DTD2: variants seen among roughly 807,000 people sequenced by gnomAD.
DTD2 encodes D-aminoacyl-tRNA deacylase 2.
DTD2 carries 12 observed loss-of-function variants against 15.5 expected under a neutral mutation model. The ratio of observed to expected loss-of-function variants is 0.77; its 90% CI spans 0.50 to 1.25. The LOEUF is 1.25. Among genes scored for constraint, DTD2 ranks in the 50% most tolerant of loss-of-function variants. The pLI is 0.00. For missense variants in DTD2, 170 were observed against 201.1 expected, an observed-to-expected ratio of 0.85 and a Z score of 0.93; for synonymous variants, 59 against 77.3, an observed-to-expected ratio of 0.76 and a Z score of 1.24.
rs116760112 is a variant in DTD2, at chr14:31,457,253, G to A, written c.111+30C>T. The A allele has an allele frequency of 1.7e-3, 2,547 of 1,540,798 alleles. 31 individuals carry two copies. The African/African-American group carries it at 0.032, about 19-fold the overall frequency. ...GGAAAAAACCGCCCCGCACGCCGGAGGATAACGAGAGCTGCCGGGCTGACG... is the reference window on the plus strand; with the variant it reads ...GGAAAAAACCGCCCCGCACGCCGGAAGATAACGAGAGCTGCCGGGCTGACG... On this transcript the variant is annotated intron_variant, in intron 1 of 2. Transcript: ENST00000310850.
intron 2 of DTD2, among the ~76,000 whole-genome samples, chr14:31,451,399 A>C (rs962702127): frequency 2.6e-5 from 4 of 151,708 alleles, no homozygotes; most frequent in Non-Finnish European, 5.9e-5. Context: ...CTGCCCACCT[A>C]GGCCTCTCAA....
chr14:31,454,737 A>C (rs1009292763), intron 1 of DTD2, among the ~76,000 whole-genome samples: 3 of 152,244 alleles, frequency 2.0e-5, no homozygotes. Flanking sequence ...CTGTGACTTC[A>C]AGTCAAAAAT....
chr14:31,448,527 A>C (rs2031991076), intron 2 of DTD2, 73 bp from the exon 3 acceptor site: 1 of 1,346,250 alleles, frequency 7.4e-7, no homozygotes, highest in Admixed American at 2.4e-5. Flanking sequence ...GTTTTTAGTC[A>C]GCAAATCTCA....
At chr14:31,451,383 C>T (rs190267324) in intron 2 of DTD2, among the ~76,000 whole-genome samples, 3 of 152,052 alleles carry the variant, frequency 2.0e-5, no homozygotes, top group East Asian at 1.9e-4. Flanking sequence ...CTCCTGACCT[C>T]GTGATCTGCC....
Position 31,448,450 on chromosome 14 carries a change from A to G in DTD2, c.186T>C (p.Asn62=). ...ADKELLPKMV[N]TLLNVKLSET... is the part of the protein sequence containing the mutation. The stretch of plus-strand genomic sequence containing the variant: ...CACTTAATTTCACATTTAACAGTGT[A>G]TTAACTGGGTGAGGAAGAAAGGCAA... The change falls in exon 3 of 3, where the codon AAT becomes AAC. Residue 62 remains asparagine (N), a synonymous_variant. Transcript: ENST00000310850. 1 of 1,594,608 alleles carries G rather than the reference A, an allele frequency of 6.3e-7. No homozygotes were observed. The highest frequency in any genetic ancestry group is 8.5e-7 in the Non-Finnish European group (1 of 1,170,044).
rs766892797 is a variant in DTD2, at chr14:31,453,321, G to A, written c.135C>T (p.Tyr45=). ...TATCAGCTCCCTTGAAAAAGCACAC[G>A]TAGATCACCAGTCCTCTTTGGACCT... ...WVEVQRGLVI[Y]VCFFKGADKE... is the part of the protein sequence containing the mutation. The change falls in exon 2 of 3, where the codon TAC becomes TAT. Residue 45 remains tyrosine, a synonymous_variant. Transcript: ENST00000310850. 1.4e-5 allele frequency: 22 copies of A among 1,613,898 alleles called. No individual in the cohort carries two copies. Among genetic ancestry groups the A allele is most frequent in the African/African-American group, 4.0e-5 (3 of 74,892 alleles).
In DTD2 at chr14:31,448,224, C is replaced by T; in HGVS notation, c.412G>A (p.Glu138Lys). Residue 138 changes from glutamate to lysine, a missense_variant, in exon 3 of 3, where the codon GAA (glutamate) becomes AAA (lysine). Transcript: ENST00000310850. The stretch of plus-strand genomic sequence containing the variant: ...CCATGTTCCACTACAACCCTAGCTT[C>T]AGCACACTTGCTATTAGCAGCTACT... ...KEVAANSKCA[E>K]ARVVVEHGTY... 6.2e-7 allele frequency: 1 copy of T among 1,614,204 alleles called. No individual in the cohort carries two copies. Among genetic ancestry groups the T allele is most frequent in the South Asian group, 1.1e-5 (1 of 91,086 alleles).
Position 31,453,315 on chromosome 14 carries a change from G to C in DTD2, c.141C>G (p.Cys47Trp). The change falls in exon 2 of 3, where the codon TGC becomes TGG. Residue 47 changes from cysteine (C) to tryptophan (W), a missense_variant. Transcript: ENST00000310850. The part of the protein sequence containing the change: ...EVQRGLVIYV[C>W]FFKGADKELL... ...GTTCTTTATCAGCTCCCTTGAAAAA[G>C]CACACGTAGATCACCAGTCCTCTTT... is the stretch of plus-strand genomic sequence containing the variant. The C allele has an allele frequency of 1.2e-6, 2 of 1,614,000 alleles. No homozygotes were observed. Among genetic ancestry groups the C allele is most frequent in the Non-Finnish European group, 1.7e-6 (2 of 1,180,002 alleles).
Position 31,457,282 on chromosome 14 carries a change from C to T in DTD2, c.111+1G>A. ...AACGAGAGCTGCCGGGCTGACGTTA[C>T]CTCCACCCACTGGGCCGCGACGTCC... On this transcript the variant is annotated splice_donor_variant, in intron 1 of 2. Transcript: ENST00000310850. LOFTEE classifies it high-confidence loss of function. 2 of 1,574,082 alleles carry T rather than the reference C, an allele frequency of 1.3e-6. No individual in the cohort carries two copies. The highest frequency in any genetic ancestry group is 8.6e-7 in the Non-Finnish European group (1 of 1,160,682).
rs1299022581 is a variant in DTD2 at position 31,457,430 on chromosome 14, C to A, written c.-37G>T. 1 of 1,401,148 alleles carries A rather than the reference C, an allele frequency of 7.1e-7. No individual in the cohort carries two copies. Among genetic ancestry groups the A allele is most frequent in the African/African-American group, 1.5e-5 (1 of 67,206 alleles). The allele number at this position is 1,401,148 out of a possible 1,614,324, so 86.8% of individuals were successfully genotyped here. ...GCGCCGCGGCCGGACAGTTACTAGG[C>A]CATGTGTCGCTGGCCCCTCCCTCGA... On this transcript the variant is annotated 5_prime_UTR_variant, in exon 1 of 3. Coordinates refer to ENST00000310850, the MANE Select transcript of DTD2 (RefSeq NM_080664.3).
intron 2 of DTD2, among the ~76,000 whole-genome samples, chr14:31,449,483 C>T (rs2032004299): frequency 6.6e-6 from 1 of 152,128 alleles, no homozygotes; most frequent in Non-Finnish European, 1.5e-5. Flanking sequence ...TCTTCATACA[C>T]ATATACGAAA....
intron 2 of DTD2, among the ~76,000 whole-genome samples, chr14:31,450,097 G>A (rs911392462): frequency 6.6e-6 from 1 of 152,168 alleles, no homozygotes; most frequent in Non-Finnish European, 1.5e-5. Context: ...TCACTATCTA[G>A]CTATCTAGGC....
chr14:31,450,870 A>G (rs1460851545), intron 2 of DTD2, among the ~76,000 whole-genome samples: 1 of 152,236 alleles, frequency 6.6e-6, no homozygotes, highest in Non-Finnish European at 1.5e-5. Context: ...TTTAATCACT[A>G]TAAAATAACA....
intron 2 of DTD2, among the ~76,000 whole-genome samples, chr14:31,451,349 C>T (rs1383940897): frequency 2.0e-5 from 3 of 151,988 alleles, no homozygotes; most frequent in Non-Finnish European, 4.4e-5. Flanking sequence ...GGGGTTTCAC[C>T]ATGTTAGCCA....
At chr14:31,453,850 T>G (rs1566797268) in intron 1 of DTD2, among the ~76,000 whole-genome samples, 1 of 152,232 alleles carries the variant, frequency 6.6e-6, no homozygotes, top group Non-Finnish European at 1.5e-5. Flanking sequence ...TCCAGGAAAC[T>G]GTCCAATTAT....
At position 31,452,942 on chromosome 14, in the gene DTD2, T is replaced by A. The variant is rs2032054557; in HGVS notation, c.181+333A>T. 4 of 159,302 alleles carry A rather than the reference T, an allele frequency of 2.5e-5. No homozygotes were observed. The Admixed American group carries it at 2.6e-4, about 10-fold the overall frequency. The allele number at this position is 159,302 out of a possible 1,614,324, so 9.9% of individuals were successfully genotyped here. A position where few individuals can be genotyped will look rare whatever the true frequency, so the allele number is the denominator to read the frequency against. On this transcript the variant is annotated intron_variant, in intron 2 of 2. Coordinates refer to ENST00000310850, the MANE Select transcript of DTD2 (RefSeq NM_080664.3). ...ATTACTATTCTTTCTCACTCTCTTT[T>A]TTTTTTTTTTTTTGAGACAGGGTCT... is the stretch of plus-strand genomic sequence containing the variant.
intron 1 of DTD2, among the ~76,000 whole-genome samples, chr14:31,455,789 C>T (rs577683232): frequency 5.5e-4 from 84 of 151,696 alleles, no homozygotes; most frequent in African/African-American, 2.0e-3. Context: ...AACATGTTGG[C>T]CAGGCTGGTC....
At chr14:31,451,752 GTA>G (rs905471258) in intron 2 of DTD2, among the ~76,000 whole-genome samples, 1 of 152,120 alleles carries the variant, frequency 6.6e-6, no homozygotes, top group African/African-American at 2.4e-5. Context: ...CTGCCCATTT[GTA>G]TAATTAATAT....
rs2139358974 is a variant in DTD2, at chr14:31,448,054, T to G, written c.*75A>C. The G allele has an allele frequency of 7.7e-7, 1 of 1,298,620 alleles. No homozygotes were observed. The highest frequency in any genetic ancestry group is 1.1e-6 in the Non-Finnish European group (1 of 935,724). 80.4% of individuals were successfully genotyped at this position (1,298,620 alleles called of 1,614,324 possible). ...TGCTGAAGATTAGTATATTCAAGAT[T>G]AAGGGGAAGAAAATCTAATTATACT... On this transcript the variant is annotated 3_prime_UTR_variant, in exon 3 of 3. Transcript: ENST00000310850.
Sources: gnomAD v4.1 joint callset for allele counts (sites outside exome capture counted in the v4.1 genomes callset) on GRCh38, gnomAD v4.1.1 for gene constraint, MANE v1.5 for transcripts, NCBI Gene and HGNC (gene_info 2026-07-23, HGNC 2026-07-21) for gene names.